PSTPIP1: variants seen among roughly 807,000 people sequenced by gnomAD.
PSTPIP1 encodes the protein proline-serine-threonine phosphatase interacting protein 1, also known as proline-serine-threonine phosphatase-interacting protein 1.
Under a neutral mutation model 69.6 loss-of-function variants are expected in PSTPIP1, and 66 were observed. The ratio of observed to expected loss-of-function variants is 0.95; its 90% CI spans 0.78 to 1.16. PSTPIP1 has a LOEUF of 1.16. Among genes scored for constraint, PSTPIP1 ranks in the 50% most tolerant of loss-of-function variants. The probability of loss-of-function intolerance (pLI) is 0.00; values close to 1 mark genes in which losing one functional copy is unlikely to be tolerated. For missense variants in PSTPIP1, 603 were observed against 557.4 expected (o/e 1.08, Z -0.82); for synonymous variants, 266 against 222.7 (o/e 1.19, Z -1.73).
In PSTPIP1 at chr15:77,009,005, C is replaced by T. The variant is rs1043449148; in HGVS notation, c.37-9143C>T. ...AGTGGCCCGCTTCGATCCTACTACA[C>T]TCATGGGTGGTCCTGGGGAGCCCCT... On this transcript the variant is annotated intron_variant, in intron 1 of 14. Transcript: ENST00000558012. Among the ~76,000 whole-genome samples, 12 of 152,348 alleles carry T rather than the reference C, an allele frequency of 7.9e-5. No homozygotes were observed. The East Asian group carries it at 2.1e-3, about 27-fold the overall frequency.
At chr15:77,012,125 C>G (rs1004099961) in intron 1 of PSTPIP1, among the ~76,000 whole-genome samples, 3 of 107,188 alleles carry the variant, frequency 2.8e-5, no homozygotes, top group Non-Finnish European at 6.0e-5. Context: ...ATCCATCCAT[C>G]CATCCATCCA....
chr15:77,035,532 T>C lies in PSTPIP1; in HGVS notation c.954T>C (p.Ser318=), dbSNP rs202234078. 8.4e-5 allele frequency: 133 copies of C among 1,592,664 alleles called. No individual in the cohort carries two copies. Among genetic ancestry groups the C allele is most frequent in the Non-Finnish European group, 1.1e-4 (129 of 1,170,176 alleles). The change falls in exon 13 of 15, where the codon AGT becomes AGC. Residue 318 remains serine (S), a synonymous_variant. Coordinates refer to ENST00000558012, the MANE Select transcript of PSTPIP1 (RefSeq NM_003978.5). ...IKRFSGLLHG[S]PKTTSLAASA... is the part of the protein sequence containing the mutation. Reference sequence around the variant, plus strand: ...GGTTCTCTGGACTGCTGCACGGAAGTCCCAAGACCACTTCGTTGGCAGCTT... The same window carrying C: ...GGTTCTCTGGACTGCTGCACGGAAGCCCCAAGACCACTTCGTTGGCAGCTT...
At chr15:77,002,976 G>A (rs1488492994) in intron 1 of PSTPIP1, among the ~76,000 whole-genome samples, 4 of 152,200 alleles carry the variant, frequency 2.6e-5, no homozygotes, top group Non-Finnish European at 5.9e-5. Flanking sequence ...GTACGGCATG[G>A]GCAAAGGTGT....
intron 1 of PSTPIP1, among the ~76,000 whole-genome samples, chr15:77,002,580 C>T (rs959402237): frequency 7.2e-5 from 11 of 152,190 alleles, no homozygotes; most frequent in Non-Finnish European, 1.3e-4. Context: ...CCTCTGGGGA[C>T]CAAGAACTTC....
Position 77,016,459 on chromosome 15 carries a change from A to T in PSTPIP1, c.37-1689A>T, listed in dbSNP as rs555847538. Among the ~76,000 whole-genome samples the T allele has an allele frequency of 1.1e-4, 16 of 152,256 alleles. No individual in the cohort carries two copies. The South Asian group carries it at 3.3e-3, about 32-fold the overall frequency. ...ACCACAGAAATGGAAGCCTGGTCCA[A>T]GCTAACCCAGTGATGTCAACCTGGA... On this transcript the variant is annotated intron_variant, in intron 1 of 14. Coordinates refer to ENST00000558012, the MANE Select transcript of PSTPIP1 (RefSeq NM_003978.5).
intron 5 of PSTPIP1, chr15:77,026,262 A>G: frequency 2.2e-6 from 1 of 452,786 alleles, no homozygotes; most frequent in South Asian, 1.6e-5. Context: ...CAGGACGCAG[A>G]CTGGCCTGGA....
At chr15:77,009,375 G>A (rs891633961) in intron 1 of PSTPIP1, among the ~76,000 whole-genome samples, 1 of 152,146 alleles carries the variant, frequency 6.6e-6, no homozygotes, top group Non-Finnish European at 1.5e-5. Flanking sequence ...CAAGCCCAGG[G>A]GAGCCTGCCA....
rs545542379 is a variant in PSTPIP1, at chr15:77,028,534, A to G, written c.418-20A>G. ...AACAGGGCTGTGCAGCCCCCAAGTC[A>G]CGCCCCTCCACACCCCCAGTCCAAG... On this transcript the variant is annotated intron_variant, in intron 6 of 14. Transcript: ENST00000558012. The G allele has an allele frequency of 1.5e-4, 244 of 1,575,506 alleles. No homozygotes were observed. The African/African-American group carries it at 3.0e-3, about 20-fold the overall frequency.
chr15:77,031,385 A>G, intron 10 of PSTPIP1, 107 bp downstream of exon 10: 2 of 1,257,320 alleles, frequency 1.6e-6, no homozygotes, highest in South Asian at 2.4e-5. Context: ...TCTGTGATCC[A>G]AGCCTGGCCC....
chr15:77,020,869 G>T (rs1030668585), intron 3 of PSTPIP1, among the ~76,000 whole-genome samples: 33 of 8,692 alleles, frequency 3.8e-3, no homozygotes, highest in Middle Eastern at 0.026. Context: ...AGACTCCTGT[G>T]GGGGGGGGGG....
At chr15:77,030,672 G>T in intron 9 of PSTPIP1, 91 bp downstream of exon 9, 1 of 1,248,734 alleles carries the variant, frequency 8.0e-7, no homozygotes, top group Admixed American at 2.7e-5. Flanking sequence ...CCCAAGTGAG[G>T]CAGTTGGGGA....
intron 1 of PSTPIP1, among the ~76,000 whole-genome samples, chr15:77,005,867 T>G (rs1175953581): frequency 6.6e-6 from 1 of 152,246 alleles, no homozygotes; most frequent in African/African-American, 2.4e-5. Context: ...CGTATATACT[T>G]TATTTTGTAT....
chr15:77,018,277 G>A (rs561612836), intron 2 of PSTPIP1, 29 bp downstream of exon 2: 48 of 1,557,194 alleles, frequency 3.1e-5, no homozygotes, highest in South Asian at 2.7e-4. Flanking sequence ...CATGGGGAGC[G>A]CAGGCAGGAA....
intron 1 of PSTPIP1, chr15:77,015,935 G>C (rs191291154): frequency 6.4e-5 from 29 of 456,174 alleles, no homozygotes; most frequent in African/African-American, 5.2e-4. Context: ...GGGGACTTGA[G>C]CACGGCGGTC....
chr15:77,018,479 G>T lies in PSTPIP1; in HGVS notation c.160G>T (p.Gly54Trp), dbSNP rs781698763. Residue 54 changes from glycine to tryptophan, a missense_variant, in exon 3 of 15, where the codon GGG becomes TGG. By Grantham distance (184) the Gly-to-Trp change is radical (BLOSUM62 -2). Transcript: ENST00000558012. ...RQRAQAEERYGKELVQIARKA... is the reference protein window; with the variant it reads ...RQRAQAEERYWKELVQIARKA... ...CAGGGCCCAGGCGGAGGAGCGGTAC[G>T]GGAAGGAGCTGGTGCAGATCGCACG... is the stretch of plus-strand genomic sequence containing the variant. 1 of 1,584,808 alleles carries T rather than the reference G, an allele frequency of 6.3e-7. No individual in the cohort carries two copies. Among genetic ancestry groups the T allele is most frequent in the South Asian group, 1.2e-5 (1 of 86,550 alleles).
chr15:77,028,424 G>C (rs962045839), intron 6 of PSTPIP1, 130 bp from the exon 7 acceptor site: 3 of 682,904 alleles, frequency 4.4e-6, no homozygotes, highest in African/African-American at 3.7e-5. Flanking sequence ...CCTGTCCCTG[G>C]TGAGGATGCC....
chr15:77,020,508 C>T (rs1020730235), intron 3 of PSTPIP1, among the ~76,000 whole-genome samples: 4 of 152,148 alleles, frequency 2.6e-5, no homozygotes, highest in African/African-American at 4.8e-5. Context: ...CTGTTCCTTT[C>T]GGTGTAGGCC....
intron 1 of PSTPIP1, among the ~76,000 whole-genome samples, chr15:76,996,288 C>G (rs1218400841): frequency 1.3e-5 from 2 of 152,252 alleles, no homozygotes; most frequent in African/African-American, 4.8e-5. Flanking sequence ...GGGCGCCCAG[C>G]CAGTGGTAGA....
intron 11 of PSTPIP1, 190 bp from the exon 12 acceptor site, chr15:77,032,672 G>A: frequency 1.6e-6 from 1 of 630,170 alleles, no homozygotes. Context: ...GGTTCCACTG[G>A]ATCACGGGTC....
Sources: allele counts gnomAD v4.1 joint callset (sites outside exome capture counted in the v4.1 genomes callset), GRCh38; gene constraint gnomAD v4.1.1; transcripts MANE v1.5; gene names NCBI Gene and HGNC (gene_info 2026-07-23, HGNC 2026-07-21).